SLAMF9: variants seen among roughly 807,000 people sequenced by gnomAD.
SLAMF9 encodes SLAM family member 9.
In SLAMF9, 25 loss-of-function variants were observed where a neutral mutation model predicts 30.4. The ratio of observed to expected loss-of-function variants is 0.82; its 90% CI spans 0.60 to 1.15. The LOEUF (loss-of-function observed/expected upper bound fraction) is 1.15, where lower values mean the gene tolerates loss of function less well. Among genes scored for constraint, SLAMF9 ranks in the 50% most tolerant of loss-of-function variants. The pLI, the probability that SLAMF9 is intolerant of heterozygous loss-of-function variation, is 0.00. For synonymous variants in SLAMF9, 129 were observed against 127.2 expected (o/e 1.01, Z -0.09); for missense variants, 344 against 346.1 (o/e 0.99, Z 0.05).
At chr1:159,957,054 G>A (rs1448430811), upstream of SLAMF9, among the ~76,000 whole-genome samples, 8 of 148,936 alleles carry the variant, frequency 5.4e-5, no homozygotes, top group South Asian at 2.1e-4. Flanking sequence ...TCCGGGAGGC[G>A]GAGGTTGCAG....
chr1:159,980,402 GAA>G, the SLAMF9 span, among the ~76,000 whole-genome samples: 1,651 of 152,260 alleles, frequency 0.011, 13 homozygotes, highest in South Asian at 0.032. Context: ...ACTGGTGGTA[GAA>G]AGACACCCAA....
At chr1:159,975,280 A>C in the SLAMF9 span, among the ~76,000 whole-genome samples, 1 of 152,342 alleles carries the variant, frequency 6.6e-6, no homozygotes, top group Admixed American at 6.5e-5. Context: ...AAAGTGTGAC[A>C]GAGGGGGCAC....
chr1:159,977,222 T>C, the SLAMF9 span: 1 of 152,222 alleles, frequency 6.6e-6, no homozygotes, highest in African/African-American at 2.4e-5. Context: ...CCCTATCTTA[T>C]AAGACAAATT....
upstream of SLAMF9, among the ~76,000 whole-genome samples, chr1:159,957,490 G>C (rs551837859): frequency 5.3e-5 from 8 of 152,178 alleles, no homozygotes; most frequent in African/African-American, 1.7e-4. Context: ...CAGGTGTGGT[G>C]GCGGGCGCCT....
At chr1:159,956,720 C>T (rs1651929332), upstream of SLAMF9, among the ~76,000 whole-genome samples, 1 of 152,088 alleles carries the variant, frequency 6.6e-6, no homozygotes, top group Admixed American at 6.5e-5. Context: ...GAAATGCTAC[C>T]ATTTACAACA....
chr1:159,960,221 T>G, the SLAMF9 span, among the ~76,000 whole-genome samples: 4 of 133,742 alleles, frequency 3.0e-5, no homozygotes, highest in South Asian at 7.3e-4. Flanking sequence ...TGTGTCCAAG[T>G]GTTCTCATTG....
chr1:159,957,602 G>A (rs571449202), upstream of SLAMF9, among the ~76,000 whole-genome samples: 60 of 152,142 alleles, frequency 3.9e-4, no homozygotes, highest in Middle Eastern at 0.01. Context: ...CCAGCCTGGC[G>A]ACAGAGCGAG....
At chr1:159,972,911 A>G in the SLAMF9 span, 1 of 983,210 alleles carries the variant, frequency 1.0e-6, no homozygotes, top group Non-Finnish European at 1.4e-6. Context: ...TCCTGGGGAC[A>G]CTTCCCACAA....
chr1:159,982,783 C>T, the SLAMF9 span, among the ~76,000 whole-genome samples: 1 of 152,200 alleles, frequency 6.6e-6, no homozygotes, highest in African/African-American at 2.4e-5. Flanking sequence ...GTAATCCCAG[C>T]ACTCTGGGAG....
upstream of SLAMF9, among the ~76,000 whole-genome samples, chr1:159,956,259 A>G (rs1332493857): frequency 6.6e-6 from 1 of 152,172 alleles, no homozygotes; most frequent in Non-Finnish European, 1.5e-5. Context: ...TGAGGCCAGG[A>G]ATTTTAGACC....
upstream of SLAMF9, among the ~76,000 whole-genome samples, chr1:159,957,703 ATTAG>A (rs1295257808): frequency 1.3e-5 from 2 of 152,264 alleles, no homozygotes; most frequent in Non-Finnish European, 2.9e-5. Context: ...ACTTACGTTA[ATTAG>A]CTCGATTTAG....
chr1:159,974,051 G>A, the SLAMF9 span: 11 of 1,599,956 alleles, frequency 6.9e-6, no homozygotes, highest in Non-Finnish European at 9.4e-6. Context: ...GCCAGGCTTG[G>A]AGGTACAGCC....
the SLAMF9 span, among the ~76,000 whole-genome samples, chr1:159,963,723 G>A: frequency 6.6e-6 from 1 of 152,032 alleles, no homozygotes; most frequent in Admixed American, 6.6e-5. Context: ...TCAAAATGTA[G>A]GTTTCATACC....
chr1:159,958,394 C>T (rs906557151), upstream of SLAMF9, among the ~76,000 whole-genome samples: 6 of 152,010 alleles, frequency 3.9e-5, no homozygotes, highest in Admixed American at 2.0e-4. Flanking sequence ...CTGAGCTCTC[C>T]GAGTCCAGTG....
chr1:159,981,836 G>A, the SLAMF9 span, among the ~76,000 whole-genome samples: 25 of 152,246 alleles, frequency 1.6e-4, no homozygotes, highest in Non-Finnish European at 3.1e-4. Flanking sequence ...GCTAAGAGGC[G>A]AGCTCTGTTC....
At chr1:159,962,156 C>CA in the SLAMF9 span, among the ~76,000 whole-genome samples, 3,555 of 131,982 alleles carry the variant, frequency 0.027, 141 homozygotes, top group African/African-American at 0.091. Flanking sequence ...GACTCCATCT[C>CA]AAAAAAAAAA....
chr1:159,976,875 C>T, the SLAMF9 span: 1 of 138,746 alleles, frequency 7.2e-6, no homozygotes, highest in East Asian at 2.2e-4. Context: ...AGACCCCCAT[C>T]TCTCTAAAAA....
the SLAMF9 span, among the ~76,000 whole-genome samples, chr1:159,968,723 GAGACATTTTCTTCT>G: frequency 1.3e-5 from 2 of 152,170 alleles, no homozygotes; most frequent in Non-Finnish European, 2.9e-5. Flanking sequence ...ACCAACAATG[GAGACATTTTCTTCT>G]AGTCTATGGA....
At chr1:159,969,737 A>G in the SLAMF9 span, among the ~76,000 whole-genome samples, 2 of 152,184 alleles carry the variant, frequency 1.3e-5, no homozygotes, top group Non-Finnish European at 2.9e-5. Flanking sequence ...ACCCCACTTA[A>G]AATCCTTTAA....
Sources: gnomAD v4.1 joint callset for allele counts (sites outside exome capture counted in the v4.1 genomes callset) on GRCh38, gnomAD v4.1.1 for gene constraint, MANE v1.5 for transcripts, NCBI Gene and HGNC (gene_info 2026-07-23, HGNC 2026-07-21) for gene names.